COL4A2: variants seen among roughly 807,000 people sequenced by gnomAD.
COL4A2 encodes collagen alpha-2(IV) chain.
Under a neutral mutation model 200.2 loss-of-function variants are expected in COL4A2, and 99 were observed. The ratio of observed to expected loss-of-function variants is 0.49; its 90% CI spans 0.42 to 0.58. The LOEUF (loss-of-function observed/expected upper bound fraction) is 0.58. Among genes scored for constraint, COL4A2 ranks in the 20% least tolerant of loss-of-function variants. COL4A2 has a pLI of 0.00. For synonymous variants in COL4A2, 897 were observed against 900.6 expected, an observed-to-expected ratio of 1.00 and a Z score of 0.07; for missense variants, 1,950 against 2,314.1, an observed-to-expected ratio of 0.84 and a Z score of 3.23.
intron 28 of COL4A2, among the ~76,000 whole-genome samples, chr13:110,470,524 C>T (rs1275566199): frequency 6.6e-6 from 1 of 152,140 alleles, no homozygotes; most frequent in Non-Finnish European, 1.5e-5. Flanking sequence ...CATGAACAGG[C>T]AGAACTGACC....
Position 110,436,261 on chromosome 13 carries a change from A to G in COL4A2, c.727-8A>G, listed in dbSNP as rs1350722461. The G allele has an allele frequency of 6.2e-7, 1 of 1,613,834 alleles. No individual in the cohort carries two copies. Among genetic ancestry groups the G allele is most frequent in the African/African-American group, 1.3e-5 (1 of 74,812 alleles). ...TAAAGACAACTGCTTTTGCTTAACA[A>G]TATGCAGGGTGACGTAGGGCAGCCG... On this transcript the variant is annotated splice_polypyrimidine_tract_variant and splice_region_variant and intron_variant, in intron 12 of 47. Coordinates refer to ENST00000360467, the MANE Select transcript of COL4A2 (RefSeq NM_001846.4).
At chr13:110,502,451 A>C (rs1301281756) in intron 41 of COL4A2, 1 of 152,588 alleles carries the variant, frequency 6.6e-6, no homozygotes, top group Non-Finnish European at 1.5e-5. Flanking sequence ...CAGCCTCCTG[A>C]GTAGCTGGGA....
At chr13:110,429,809 A>G in intron 7 of COL4A2, 76 bp from the exon 8 acceptor site, 1 of 1,455,598 alleles carries the variant, frequency 6.9e-7, no homozygotes, top group Non-Finnish European at 9.6e-7. Context: ...TCAGTCATCC[A>G]CATTACCATA....
chr13:110,336,123 AG>A (rs1337204186), intron 3 of COL4A2, among the ~76,000 whole-genome samples: 2 of 152,170 alleles, frequency 1.3e-5, no homozygotes, highest in African/African-American at 4.8e-5. Flanking sequence ...TAACTTTTTT[AG>A]TCTCGGCTAT....
chr13:110,348,206 A>G (rs969589204), intron 3 of COL4A2, among the ~76,000 whole-genome samples: 1 of 152,236 alleles, frequency 6.6e-6, no homozygotes, highest in Non-Finnish European at 1.5e-5. Flanking sequence ...AGAAAAGCCC[A>G]TGGGGCTTAT....
At chr13:110,420,798 G>A (rs1279041191) in intron 4 of COL4A2, among the ~76,000 whole-genome samples, 1 of 152,182 alleles carries the variant, frequency 6.6e-6, no homozygotes, top group Non-Finnish European at 1.5e-5. Flanking sequence ...AAATCCTGGG[G>A]AGAAGCTCCA....
In COL4A2 at chr13:110,508,960, AC is replaced by A. The variant is rs779451995; in HGVS notation, c.4881+740del. Among the ~76,000 whole-genome samples the A allele has an allele frequency of 3.3e-5, 5 of 152,218 alleles. No homozygotes were observed. The highest frequency in any genetic ancestry group is 5.9e-5 in the Non-Finnish European group (4 of 68,046). On this transcript the variant is annotated intron_variant, in intron 47 of 47. Transcript: ENST00000360467. This position sits in a 1 kb window ranked among gnomAD's most constrained non-coding sequence, Gnocchi z 6.1. Reference sequence around the variant, plus strand: ...GATAAATTCATTGTAAGATGAAGATACTATAAGTTGAAAGTGCGTTTTCAAT... The same window carrying A: ...GATAAATTCATTGTAAGATGAAGATATATAAGTTGAAAGTGCGTTTTCAAT...
At chr13:110,455,175 C>T (rs1415829778) in intron 20 of COL4A2, among the ~76,000 whole-genome samples, 1 of 152,172 alleles carries the variant, frequency 6.6e-6, no homozygotes, top group African/African-American at 2.4e-5. Flanking sequence ...TGGCAGACCG[C>T]GTAGCCTCCC....
intron 4 of COL4A2, among the ~76,000 whole-genome samples, chr13:110,361,821 G>A (rs1055579512): frequency 3.3e-5 from 5 of 152,160 alleles, no homozygotes; most frequent in Non-Finnish European, 5.9e-5. Flanking sequence ...GCTGTGTACC[G>A]GCTGCTTGGC....
intron 3 of COL4A2, among the ~76,000 whole-genome samples, chr13:110,340,034 A>G (rs1312573108): frequency 6.6e-6 from 1 of 152,248 alleles, no homozygotes; most frequent in African/African-American, 2.4e-5. Flanking sequence ...GGTGACAGGT[A>G]GAGTGGATAA....
At chr13:110,509,271 A>ATATATATATATATATATATATATATATAT (rs1491273184) in intron 47 of COL4A2, among the ~76,000 whole-genome samples, 1 of 74,862 alleles carries the variant, frequency 1.3e-5, no homozygotes, top group Non-Finnish European at 2.3e-5. Context: ...ATATATATAT[A>ATATATATATATATATATATATATATATAT]CACACACACA....
At chr13:110,449,865 T>A (rs1881470218) in intron 19 of COL4A2, 76 bp downstream of exon 19, 8 of 1,440,152 alleles carry the variant, frequency 5.6e-6, no homozygotes, top group Non-Finnish European at 7.5e-6. Context: ...CAAGGGAGAC[T>A]TCGTTGACGA....
intron 24 of COL4A2, chr13:110,462,877 C>T (rs1049017622): frequency 6.4e-6 from 1 of 157,112 alleles, no homozygotes; most frequent in African/African-American, 2.4e-5. Flanking sequence ...TCCTGTGCAC[C>T]CTCCAGCCTC....
chr13:110,511,234 T>C (rs1329798898), intron 47 of COL4A2, among the ~76,000 whole-genome samples: 1 of 123,190 alleles, frequency 8.1e-6, no homozygotes, highest in African/African-American at 3.0e-5. Flanking sequence ...AACTTTAAAA[T>C]GAAAAAAAAA....
intron 11 of COL4A2, 87 bp from the exon 12 acceptor site, chr13:110,434,314 C>T: frequency 7.6e-7 from 1 of 1,313,634 alleles, no homozygotes; most frequent in Non-Finnish European, 1.1e-6. Flanking sequence ...ATAAATAGGC[C>T]TTGGGTTTCT....
chr13:110,414,495 G>A (rs935798190), intron 4 of COL4A2, among the ~76,000 whole-genome samples: 23 of 152,216 alleles, frequency 1.5e-4, no homozygotes, highest in South Asian at 4.1e-4. Context: ...ACGATCACCC[G>A]GAACCCTGTT....
rs1252038684 is a variant in COL4A2, at chr13:110,313,067, AC to A, written c.99+4946del. 3.3e-5 allele frequency among the ~76,000 whole-genome samples: 5 copies of A among 152,252 alleles called. No homozygotes were observed. In the East Asian group the frequency reaches 9.7e-4, roughly 29 times the overall value. On this transcript the variant is annotated intron_variant, in intron 3 of 47. Transcript: ENST00000360467. ...CCAGAATAGAATCTATCCAGCCTGC[AC>A]CAGGATATCGCTTAGAAATCAATAT... is the stretch of plus-strand genomic sequence containing the variant.
chr13:110,432,266 A>G, intron 10 of COL4A2, 59 bp from the exon 11 acceptor site: 2 of 1,556,864 alleles, frequency 1.3e-6, no homozygotes, highest in Non-Finnish European at 8.7e-7. Context: ...TTTCCACCAG[A>G]TGTTATCTGG....
At chr13:110,408,944 T>C (rs1879705643) in intron 4 of COL4A2, among the ~76,000 whole-genome samples, 1 of 52,658 alleles carries the variant, frequency 1.9e-5, no homozygotes, top group African/African-American at 6.5e-5. Context: ...CGCACACATA[T>C]ATACACGGAC....
Sources: allele counts gnomAD v4.1 joint callset (sites outside exome capture counted in the v4.1 genomes callset), GRCh38; gene constraint gnomAD v4.1.1; non-coding constraint Gnocchi (gnomAD v3.1); transcripts MANE v1.5; gene names NCBI Gene and HGNC (gene_info 2026-07-23, HGNC 2026-07-21).